TSHZ2: variants seen among roughly 807,000 people sequenced by gnomAD.
TSHZ2 encodes the protein teashirt homolog 2.
TSHZ2 carries 21 observed loss-of-function variants against 74.4 expected under a neutral mutation model. The ratio of observed to expected loss-of-function variants is 0.28; its 90% confidence interval spans 0.20 to 0.41. The LOEUF is 0.41. TSHZ2 is among the 10% of genes least tolerant of loss of function. TSHZ2 has a pLI of 1.00. For missense variants in TSHZ2, 1,244 were observed against 1,293.5 expected, an observed-to-expected ratio of 0.96 and a Z score of 0.59; for synonymous variants, 540 against 515.3, an observed-to-expected ratio of 1.05 and a Z score of -0.65.
intron 1 of TSHZ2, among the ~76,000 whole-genome samples, chr20:53,247,131 A>G (rs1455591385): frequency 1.3e-5 from 2 of 152,150 alleles, no homozygotes; most frequent in Non-Finnish European, 2.9e-5. Context: ...GAGGGAGCAA[A>G]CTCTTCTCTC....
intron 1 of TSHZ2, among the ~76,000 whole-genome samples, chr20:53,047,292 G>A (rs752196939): frequency 2.2e-4 from 34 of 152,130 alleles, no homozygotes; most frequent in Middle Eastern, 3.4e-3. Flanking sequence ...TAAAAGTCTC[G>A]GTAAGTGGTT....
At chr20:53,192,042 A>G (rs1303543311) in intron 1 of TSHZ2, among the ~76,000 whole-genome samples, 1 of 152,216 alleles carries the variant, frequency 6.6e-6, no homozygotes, top group African/African-American at 2.4e-5. Flanking sequence ...AGCAGTGAAC[A>G]TTTTATAACA....
At chr20:53,345,675 GC>G (rs1040321142) in intron 2 of TSHZ2, among the ~76,000 whole-genome samples, 10 of 104,426 alleles carry the variant, frequency 9.6e-5, no homozygotes, top group Admixed American at 9.0e-4. Context: ...CCGCCTGCCC[GC>G]CCCCCCATTC....
intron 1 of TSHZ2, among the ~76,000 whole-genome samples, chr20:53,152,003 G>C (rs957362742): frequency 6.6e-6 from 1 of 152,032 alleles, no homozygotes; most frequent in African/African-American, 2.4e-5. Context: ...AACTGAACTC[G>C]AGGGCAAGGT....
intron 2 of TSHZ2, among the ~76,000 whole-genome samples, chr20:53,282,482 C>G (rs560868757): frequency 2.0e-5 from 3 of 152,322 alleles, no homozygotes; most frequent in African/African-American, 7.2e-5. Context: ...TTACCACACG[C>G]TTTAAGTAGC....
chr20:53,476,088 G>T (rs1047926962), intron 2 of TSHZ2, among the ~76,000 whole-genome samples: 4 of 142,572 alleles, frequency 2.8e-5, no homozygotes, highest in Admixed American at 7.0e-5. Flanking sequence ...GTACAAGGAG[G>T]AACTGGTACC....
intron 2 of TSHZ2, among the ~76,000 whole-genome samples, chr20:53,288,189 A>G (rs1332242026): frequency 1.3e-5 from 2 of 152,120 alleles, no homozygotes; most frequent in East Asian, 3.9e-4. Context: ...AGATCACTTG[A>G]GGTCAGGAGT....
At chr20:53,103,072 G>T (rs1460022969) in intron 1 of TSHZ2, among the ~76,000 whole-genome samples, 1 of 152,100 alleles carries the variant, frequency 6.6e-6, no homozygotes, top group East Asian at 1.9e-4. Flanking sequence ...CGTGTACTGG[G>T]TCACAATATC....
At chr20:53,322,803 C>T (rs1030515131) in intron 2 of TSHZ2, among the ~76,000 whole-genome samples, 7 of 152,210 alleles carry the variant, frequency 4.6e-5, no homozygotes, top group Admixed American at 6.5e-5. Flanking sequence ...CAAACACCCA[C>T]GTAAAACGCT....
At chr20:53,360,681 TAGAA>T (rs1981016407) in intron 2 of TSHZ2, among the ~76,000 whole-genome samples, 1 of 152,164 alleles carries the variant, frequency 6.6e-6, no homozygotes, top group African/African-American at 2.4e-5. Context: ...ACCTAATTCT[TAGAA>T]AGCCCAAAAA....
At chr20:53,437,431 C>T (rs1984129262) in intron 2 of TSHZ2, among the ~76,000 whole-genome samples, 2 of 152,040 alleles carry the variant, frequency 1.3e-5, no homozygotes, top group East Asian at 1.9e-4. Flanking sequence ...CAAGATTGCA[C>T]CACTGCACTG....
chr20:53,086,080 G>T (rs1281143545), intron 1 of TSHZ2, among the ~76,000 whole-genome samples: 1 of 152,212 alleles, frequency 6.6e-6, no homozygotes, highest in Non-Finnish European at 1.5e-5. Context: ...TGGTAGCTCA[G>T]TAGTGGTGGG....
At chr20:53,423,968 G>T (rs73913763) in intron 2 of TSHZ2, among the ~76,000 whole-genome samples, 1 of 152,176 alleles carries the variant, frequency 6.6e-6, no homozygotes, top group African/African-American at 2.4e-5. Flanking sequence ...CCGACGACGC[G>T]CAGGACAGCC....
intron 1 of TSHZ2, among the ~76,000 whole-genome samples, chr20:53,223,089 A>G (rs1989602287): frequency 6.6e-6 from 1 of 152,158 alleles, no homozygotes. Context: ...TTGGGTGTCT[A>G]ATATGTCTAT....
rs186882339 is a variant in TSHZ2 at position 53,325,214 on chromosome 20, C to T, written c.*8+68643C>T. On this transcript the variant is annotated intron_variant, in intron 2 of 2. Transcript: ENST00000371497. Reference sequence around the variant, plus strand: ...CATTTCCCTGAGTTGAGATCTCCAGCAGTTCCTGAATTTTCTTGGAGCACT... The same window carrying T: ...CATTTCCCTGAGTTGAGATCTCCAGTAGTTCCTGAATTTTCTTGGAGCACT... Among the ~76,000 whole-genome samples the T allele has an allele frequency of 1.2e-3, 182 of 152,290 alleles. No individual in the cohort carries two copies. In the Middle Eastern group the frequency reaches 0.014, roughly 11 times the overall value.
At chr20:53,427,862 T>C (rs1983710493) in intron 2 of TSHZ2, among the ~76,000 whole-genome samples, 1 of 152,150 alleles carries the variant, frequency 6.6e-6, no homozygotes, top group Non-Finnish European at 1.5e-5. Flanking sequence ...CCTAGAGCCC[T>C]CACCCAGCAT....
intron 1 of TSHZ2, among the ~76,000 whole-genome samples, chr20:53,039,883 G>A (rs553981859): frequency 4.6e-5 from 7 of 152,128 alleles, no homozygotes; most frequent in East Asian, 3.9e-4. Flanking sequence ...CAAAGTGGGC[G>A]GATCACAAGG....
At chr20:53,181,923 G>C (rs1988479244) in intron 1 of TSHZ2, among the ~76,000 whole-genome samples, 1 of 152,102 alleles carries the variant, frequency 6.6e-6, no homozygotes, top group Admixed American at 6.6e-5. Context: ...GCAAAACATG[G>C]TTTTAAAAAA....
chr20:52,992,923 A>G lies in TSHZ2; in HGVS notation c.40+19590A>G, dbSNP rs1982046042. Among the ~76,000 whole-genome samples the G allele has an allele frequency of 3.9e-5, 6 of 152,204 alleles. No individual in the cohort carries two copies. In the South Asian group the frequency reaches 1.2e-3, roughly 32 times the overall value. Reference sequence around the variant, plus strand: ...GTAAGTTCCACAAAATAACTTCTGTATTATCATCTCAGGAGAAGAATAATG... The same window carrying G: ...GTAAGTTCCACAAAATAACTTCTGTGTTATCATCTCAGGAGAAGAATAATG... On this transcript the variant is annotated intron_variant, in intron 1 of 2. Transcript: ENST00000371497.
Sources: gnomAD v4.1 joint callset for allele counts (sites outside exome capture counted in the v4.1 genomes callset) on GRCh38, gnomAD v4.1.1 for gene constraint, MANE v1.5 for transcripts, NCBI Gene and HGNC (gene_info 2026-07-23, HGNC 2026-07-21) for gene names.